Variants in SEC31B observed in about 807,000 individuals in gnomAD.
SEC31B encodes protein transport protein Sec31B.
SEC31B carries 113 observed loss-of-function variants against 135.0 expected under a neutral mutation model. The ratio of observed to expected loss-of-function variants is 0.84; its 90% confidence interval spans 0.72 to 0.98. SEC31B has a LOEUF of 0.98. Among genes scored for constraint, SEC31B ranks in the 50% least tolerant of loss-of-function variants. The pLI, the probability that SEC31B is intolerant of heterozygous loss-of-function variation, is 0.00. For missense variants in SEC31B, 1,296 were observed against 1,421.1 expected (o/e 0.91, Z 1.42); for synonymous variants, 508 against 549.4 (o/e 0.92, Z 1.05).
intron 21 of SEC31B, 80 bp downstream of exon 21, chr10:100,489,928 T>C: frequency 6.5e-7 from 1 of 1,530,802 alleles, no homozygotes; most frequent in Non-Finnish European, 8.8e-7. Flanking sequence ...GCCCTCTGAC[T>C]TGAGGAAAGA....
chr10:100,505,639 A>G lies in SEC31B; in HGVS notation c.1045-144T>C. 5 of 1,438,318 alleles carry G rather than the reference A, an allele frequency of 3.5e-6. No individual in the cohort carries two copies. The South Asian group carries it at 4.5e-5, about 13-fold the overall frequency. The allele number at this position is 1,438,318 out of a possible 1,614,324, so 89.1% of individuals were successfully genotyped here. A position where few individuals can be genotyped will look rare whatever the true frequency, so the allele number is the denominator to read the frequency against. The stretch of plus-strand genomic sequence containing the variant: ...GACTCCCATATTCCAGGGGATGGGG[A>G]AGTGAGTGGTAGCGAGGGTGGGACT... On this transcript the variant is annotated intron_variant, in intron 9 of 25. Transcript: ENST00000370345.
At position 100,517,047 on chromosome 10, in the gene SEC31B, C is replaced by A. The variant is rs535620555; in HGVS notation, c.-45-50G>T. 9 of 880,570 alleles carry A rather than the reference C, an allele frequency of 1.0e-5. No homozygotes were observed. In the East Asian group the frequency reaches 2.0e-4, roughly 20 times the overall value. 54.5% of individuals were successfully genotyped at this position (880,570 alleles called of 1,614,324 possible). A position where few individuals can be genotyped will look rare whatever the true frequency, so the allele number is the denominator to read the frequency against. ...AACAGCCAGATCCAGGGAGCATCTG[C>A]GGACAAGAGTTCTTGTTTGTCTTTC... is the stretch of plus-strand genomic sequence containing the variant. On this transcript the variant is annotated intron_variant, in intron 1 of 25. Coordinates refer to ENST00000370345, the MANE Select transcript of SEC31B (RefSeq NM_015490.4).
intron 3 of SEC31B, among the ~76,000 whole-genome samples, chr10:100,511,624 A>G (rs1263755458): frequency 6.6e-6 from 1 of 152,188 alleles, no homozygotes. Context: ...AAAAAGAAAG[A>G]AATATCTGCT....
At chr10:100,506,525 T>G in intron 7 of SEC31B, 105 bp from the exon 8 acceptor site, 1 of 891,154 alleles carries the variant, frequency 1.1e-6, no homozygotes, top group Non-Finnish European at 1.8e-6. Flanking sequence ...AGACCATCCA[T>G]GCCCTATAAA....
chr10:100,510,365 C>T (rs1011334027), intron 3 of SEC31B, among the ~76,000 whole-genome samples: 8 of 152,252 alleles, frequency 5.3e-5, no homozygotes, highest in Admixed American at 4.6e-4. Context: ...GATACACTCC[C>T]ACTCAGGAAA....
At chr10:100,508,826 C>T (rs1851682470) in intron 5 of SEC31B, 181 bp downstream of exon 5, 2 of 609,424 alleles carry the variant, frequency 3.3e-6, no homozygotes, top group Non-Finnish European at 5.8e-6. Context: ...CATATACACC[C>T]TCCACCCACC....
chr10:100,516,363 G>A (rs1054580173), intron 2 of SEC31B, 144 bp from the exon 3 acceptor site: 6 of 1,025,544 alleles, frequency 5.9e-6, no homozygotes, highest in African/African-American at 1.6e-5. Flanking sequence ...GCAAGAAAAC[G>A]TTGGCTGGGC....
At chr10:100,493,647 G>A (rs1851347211) in intron 19 of SEC31B, among the ~76,000 whole-genome samples, 1 of 152,224 alleles carries the variant, frequency 6.6e-6, no homozygotes, top group Non-Finnish European at 1.5e-5. Context: ...ACACAAGAGA[G>A]TCTTGTGGTG....
chr10:100,515,617 G>A (rs1274899192), intron 3 of SEC31B, among the ~76,000 whole-genome samples: 1 of 152,154 alleles, frequency 6.6e-6, no homozygotes, highest in African/African-American at 2.4e-5. Flanking sequence ...CACAGTGTCT[G>A]GCATGTATAC....
Position 100,508,967 on chromosome 10 carries a change from G to C in SEC31B, c.495+40C>G, listed in dbSNP as rs375776480. On this transcript the variant is annotated intron_variant, in intron 5 of 25. Transcript: ENST00000370345. ...TCAAGACTTTTACTTAGGAGAATCA[G>C]CTGCACACTCCAGGGTTGGGTAGTG... 5 of 1,491,884 alleles carry C rather than the reference G, an allele frequency of 3.4e-6. No homozygotes were observed. In the African/African-American group the frequency reaches 6.9e-5, roughly 21 times the overall value. The allele number at this position is 1,491,884 out of a possible 1,614,324, so 92.4% of individuals were successfully genotyped here.
At chr10:100,505,745 G>C (rs1357488744) in intron 9 of SEC31B, 2 of 1,412,182 alleles carry the variant, frequency 1.4e-6, no homozygotes, top group Non-Finnish European at 1.8e-6. Context: ...CTATAGAAGA[G>C]AGAAAGATAA....
At chr10:100,514,385 G>A (rs1302145233) in intron 3 of SEC31B, among the ~76,000 whole-genome samples, 1 of 151,978 alleles carries the variant, frequency 6.6e-6, no homozygotes, top group Non-Finnish European at 1.5e-5. Context: ...AGCTTTCTCA[G>A]GTTGAACCCC....
intron 15 of SEC31B, 54 bp from the exon 16 acceptor site, chr10:100,497,847 G>A: frequency 6.2e-7 from 1 of 1,613,598 alleles, no homozygotes; most frequent in Middle Eastern, 1.6e-4. Flanking sequence ...AGCATAGGCA[G>A]CAGGATTCCT....
At chr10:100,495,643 G>C in intron 18 of SEC31B, 97 bp from the exon 19 acceptor site, 4 of 1,193,468 alleles carry the variant, frequency 3.4e-6, no homozygotes, top group Non-Finnish European at 4.8e-6. Context: ...CACCAAGCTT[G>C]TCCAACCTGT....
In SEC31B at chr10:100,489,270, TG is replaced by T; in HGVS notation, c.3152del (p.Pro1051GlnfsTer28). 1 of 1,608,152 alleles carries T rather than the reference TG, an allele frequency of 6.2e-7. No homozygotes were observed. Among genetic ancestry groups the T allele is most frequent in the South Asian group, 1.1e-5 (1 of 89,912 alleles). Reference protein sequence around the residue: ...SSVSHAPPGVPGELSLQLQHL... With the variant: ...SSVSHAPPGVXGELSLQLQHL... Reference sequence around the variant, plus strand: ...TTGTCACCTGCAGGCTGAGTTCTCCTGGAACTCCTGGGGGAGCATGACTCAC... The same window carrying T: ...TTGTCACCTGCAGGCTGAGTTCTCCTGAACTCCTGGGGGAGCATGACTCAC... On this transcript the variant is annotated frameshift_variant, in exon 23 of 26. Coordinates refer to ENST00000370345, the MANE Select transcript of SEC31B (RefSeq NM_015490.4). LOFTEE classifies it high-confidence loss of function.
intron 24 of SEC31B, 43 bp downstream of exon 24, chr10:100,488,815 C>G (rs1020205768): frequency 1.3e-6 from 2 of 1,529,884 alleles, no homozygotes; most frequent in African/African-American, 2.8e-5. Flanking sequence ...CTGGAGCCAG[C>G]GAGGGGTGCG....
chr10:100,500,671 G>A (rs1350208981), intron 11 of SEC31B, among the ~76,000 whole-genome samples: 1 of 152,180 alleles, frequency 6.6e-6, no homozygotes, highest in Non-Finnish European at 1.5e-5. Flanking sequence ...CACAGGTACA[G>A]TAAACAAAGT....
chr10:100,505,792 G>T, intron 9 of SEC31B: 3 of 1,426,122 alleles, frequency 2.1e-6, no homozygotes, highest in South Asian at 1.6e-5. Context: ...CAGCAAAGGG[G>T]TCCCACGGTC....
intron 3 of SEC31B, among the ~76,000 whole-genome samples, chr10:100,509,727 G>T (rs1851705144): frequency 6.6e-6 from 1 of 152,158 alleles, no homozygotes. Flanking sequence ...CCAGAAGCCA[G>T]GAAGCCACTG....
Sources: allele counts gnomAD v4.1 joint callset (sites outside exome capture counted in the v4.1 genomes callset), GRCh38; gene constraint gnomAD v4.1.1; transcripts MANE v1.5; gene names NCBI Gene and HGNC (gene_info 2026-07-23, HGNC 2026-07-21).